The following RGS17 variants were observed in gnomAD, a reference collection of about 807,000 sequenced individuals.
RGS17 encodes the protein regulator of G-protein signaling 17.
A neutral mutation model predicts 25.5 loss-of-function variants in RGS17; 12 were observed. The observed-to-expected ratio is 0.47, with a 90% CI of 0.30 to 0.76. RGS17 has a LOEUF of 0.76. Ranked by LOEUF, RGS17 falls within the 30% of genes least tolerant of loss-of-function variation. RGS17 has a pLI of 0.07. For synonymous variants in RGS17, 71 were observed against 76.9 expected, an observed-to-expected ratio of 0.92 and a Z score of 0.40; for missense variants, 196 against 242.2, an observed-to-expected ratio of 0.81 and a Z score of 1.27.
At chr6:153,018,425 G>T (rs1308849253) in intron 4 of RGS17, among the ~76,000 whole-genome samples, 3 of 152,048 alleles carry the variant, frequency 2.0e-5, no homozygotes, top group Non-Finnish European at 2.9e-5. Flanking sequence ...GCTGTAAAGT[G>T]GTACCATCGG....
intron 1 of RGS17, among the ~76,000 whole-genome samples, chr6:153,054,370 G>A (rs1333460096): frequency 6.6e-6 from 1 of 151,576 alleles, no homozygotes; most frequent in Non-Finnish European, 1.5e-5. Context: ...CAAGACCGAG[G>A]CAGGGCATGG....
At chr6:153,015,864 A>G (rs1229758408) in intron 4 of RGS17, among the ~76,000 whole-genome samples, 3 of 152,116 alleles carry the variant, frequency 2.0e-5, no homozygotes, top group Non-Finnish European at 4.4e-5. Flanking sequence ...CGTGTTAGCC[A>G]GGATGTTCTC....
At chr6:153,016,117 T>C (rs1475318866) in intron 4 of RGS17, among the ~76,000 whole-genome samples, 1 of 152,214 alleles carries the variant, frequency 6.6e-6, no homozygotes, top group Non-Finnish European at 1.5e-5. Context: ...GGGAATTCTT[T>C]AAAAATAAAA....
intron 1 of RGS17, among the ~76,000 whole-genome samples, chr6:153,120,156 C>T (rs1005014147): frequency 2.6e-5 from 4 of 152,216 alleles, no homozygotes; most frequent in African/African-American, 9.7e-5. Context: ...ATTCTGGACG[C>T]TATATGGCTC....
At chr6:153,101,648 A>G (rs1777304454) in intron 1 of RGS17, among the ~76,000 whole-genome samples, 1 of 152,110 alleles carries the variant, frequency 6.6e-6, no homozygotes, top group African/African-American at 2.4e-5. Flanking sequence ...CTCATCTTGA[A>G]CAGTAATCCC....
chr6:153,112,977 G>A (rs1318791297), intron 1 of RGS17, among the ~76,000 whole-genome samples: 4 of 152,110 alleles, frequency 2.6e-5, no homozygotes, highest in Admixed American at 2.6e-4. Flanking sequence ...ATACCAAATT[G>A]TAAAGCCCAT....
intron 1 of RGS17, among the ~76,000 whole-genome samples, chr6:153,087,011 A>G (rs868138820): frequency 6.6e-6 from 1 of 152,214 alleles, no homozygotes. Context: ...GGCCGGGCAC[A>G]ATGGCTCACA....
At chr6:153,029,574 C>CTTTTTT (rs67471007) in intron 2 of RGS17, among the ~76,000 whole-genome samples, 1 of 148,454 alleles carries the variant, frequency 6.7e-6, no homozygotes. Context: ...CATAGAGACA[C>CTTTTTT]TTTTTTTTTT....
At chr6:153,115,208 A>C (rs1219881335) in intron 1 of RGS17, among the ~76,000 whole-genome samples, 1 of 152,344 alleles carries the variant, frequency 6.6e-6, no homozygotes, top group South Asian at 2.1e-4. Context: ...ATATCTCCTT[A>C]AGCTGATAAG....
chr6:153,093,601 A>C (rs1401147790), intron 1 of RGS17, among the ~76,000 whole-genome samples: 1 of 152,178 alleles, frequency 6.6e-6, no homozygotes, highest in Non-Finnish European at 1.5e-5. Flanking sequence ...AGAATACTGG[A>C]ATACATTTCG....
At chr6:153,036,180 G>A (rs1241660866) in intron 2 of RGS17, among the ~76,000 whole-genome samples, 2 of 152,240 alleles carry the variant, frequency 1.3e-5, no homozygotes, top group East Asian at 3.9e-4. Context: ...ACTCTCCTGA[G>A]TAGCTGGGAC....
chr6:153,128,598 C>T (rs1403392469), intron 1 of RGS17, among the ~76,000 whole-genome samples: 1 of 152,178 alleles, frequency 6.6e-6, no homozygotes, highest in Non-Finnish European at 1.5e-5. Flanking sequence ...TTAAAATTTT[C>T]ACTTTTACTT....
intron 1 of RGS17, among the ~76,000 whole-genome samples, chr6:153,059,519 C>T (rs1490186386): frequency 6.6e-6 from 1 of 152,186 alleles, no homozygotes. Context: ...CTGCCTTGTA[C>T]TGGCTGTGTG....
At chr6:153,077,688 A>T (rs1214944596) in intron 1 of RGS17, among the ~76,000 whole-genome samples, 1 of 152,196 alleles carries the variant, frequency 6.6e-6, no homozygotes, top group Non-Finnish European at 1.5e-5. Flanking sequence ...GGGGCAAAAA[A>T]GTAAAAGGAA....
intron 1 of RGS17, among the ~76,000 whole-genome samples, chr6:153,111,131 G>C (rs895594033): frequency 6.6e-6 from 1 of 152,134 alleles, no homozygotes; most frequent in African/African-American, 2.4e-5. Flanking sequence ...AAGCCAGGGA[G>C]CCAAGTGGTC....
At chr6:153,097,860 G>A (rs1174154182) in intron 1 of RGS17, among the ~76,000 whole-genome samples, 1 of 152,120 alleles carries the variant, frequency 6.6e-6, no homozygotes, top group Non-Finnish European at 1.5e-5. Flanking sequence ...GGTACAGGGT[G>A]ATCTAATCTG....
At chr6:153,040,493 GA>G (rs1776308282) in intron 2 of RGS17, among the ~76,000 whole-genome samples, 1 of 152,072 alleles carries the variant, frequency 6.6e-6, no homozygotes, top group African/African-American at 2.4e-5. Flanking sequence ...ACTAGATACA[GA>G]AATTTATTTT....
At chr6:153,104,980 T>C (rs903206762) in intron 1 of RGS17, among the ~76,000 whole-genome samples, 1 of 152,124 alleles carries the variant, frequency 6.6e-6, no homozygotes, top group Non-Finnish European at 1.5e-5. Flanking sequence ...TCCTGGCTCA[T>C]TATTGCATGA....
intron 1 of RGS17, among the ~76,000 whole-genome samples, chr6:153,068,179 T>C (rs190428170): frequency 5.5e-4 from 84 of 152,236 alleles, no homozygotes; most frequent in Admixed American, 2.2e-3. Flanking sequence ...TAAAGGTGGC[T>C]CATGCCTGCA....
Sources: allele counts gnomAD v4.1 joint callset (sites outside exome capture counted in the v4.1 genomes callset), GRCh38; gene constraint gnomAD v4.1.1; transcripts MANE v1.5; gene names NCBI Gene and HGNC (gene_info 2026-07-23, HGNC 2026-07-21).